Variants in TMEM63B observed in about 807,000 individuals in gnomAD.
TMEM63B encodes mechanosensitive cation channel TMEM63B.
In TMEM63B, 23 loss-of-function variants were observed where a neutral mutation model predicts 102.6. The ratio of observed to expected loss-of-function variants is 0.22; its 90% CI spans 0.16 to 0.32. The LOEUF is 0.32. Ranked by LOEUF, TMEM63B falls within the 10% of genes least tolerant of loss-of-function variation. The pLI, the probability that TMEM63B is intolerant of heterozygous loss-of-function variation, is 1.00. For synonymous variants in TMEM63B, 444 were observed against 437.0 expected, an observed-to-expected ratio of 1.02 and a Z score of -0.20; for missense variants, 628 against 1,095.9, an observed-to-expected ratio of 0.57 and a Z score of 6.03.
chr6:44,140,518 A>C (rs1256262151), intron 9 of TMEM63B, 158 bp downstream of exon 9: 1 of 701,868 alleles, frequency 1.4e-6, no homozygotes, highest in Non-Finnish European at 2.6e-6. Flanking sequence ...TAACCTCCCA[A>C]GCCATGATTT....
chr6:44,146,449 G>GT (rs1241550126), intron 10 of TMEM63B, among the ~76,000 whole-genome samples: 2 of 150,104 alleles, frequency 1.3e-5, no homozygotes, highest in East Asian at 2.1e-4. Flanking sequence ...GGAGATGTGG[G>GT]TTTTTTTGTC....
chr6:44,152,733 CG>C lies in TMEM63B; in HGVS notation c.1942+41del. 1 of 1,544,192 alleles carries C rather than the reference CG, an allele frequency of 6.5e-7. No homozygotes were observed. On this transcript the variant is annotated intron_variant, in intron 20 of 23. Coordinates refer to ENST00000323267, the MANE Select transcript of TMEM63B (RefSeq NM_018426.3). This position sits in a 1 kb window ranked among gnomAD's most constrained non-coding sequence, Gnocchi z 6.4. ...GCCGCGCCGGGACCTGGGCCCTGCT[CG>C]GGGGGACCCAGGACTTCACCCTCTC... is the stretch of plus-strand genomic sequence containing the variant.
At chr6:44,139,350 C>A in intron 6 of TMEM63B, 117 bp from the exon 7 acceptor site, 1 of 1,293,234 alleles carries the variant, frequency 7.7e-7, no homozygotes, top group Non-Finnish European at 1.1e-6. Flanking sequence ...ATACTACTGC[C>A]AGATCAGCTG....
At chr6:44,153,087 G>A (rs1166583661) in intron 20 of TMEM63B, among the ~76,000 whole-genome samples, 1 of 152,224 alleles carries the variant, frequency 6.6e-6, no homozygotes, top group Non-Finnish European at 1.5e-5. Flanking sequence ...GAAAGACTTG[G>A]ATTCCAGGGT....
In TMEM63B at chr6:44,139,764, G is replaced by A. The variant is rs771850110; in HGVS notation, c.602+5G>A. The A allele has an allele frequency of 6.2e-7, 1 of 1,614,200 alleles. No homozygotes were observed. Among genetic ancestry groups the A allele is most frequent in the Non-Finnish European group, 8.5e-7 (1 of 1,180,044 alleles). ...CATTGCCAACTTGAAATCAGGGTAA[G>A]ATGCGAAGCTGGTCGGCCAGGCCAA... On this transcript the variant is annotated splice_donor_5th_base_variant and intron_variant, in intron 8 of 23. Transcript: ENST00000323267.
intron 3 of TMEM63B, 85 bp from the exon 4 acceptor site, chr6:44,135,243 G>A (rs1324013861): frequency 4.5e-6 from 7 of 1,569,612 alleles, no homozygotes; most frequent in African/African-American, 1.4e-5. Context: ...GGGGGCATGA[G>A]GGCCCTAAGT....
At chr6:44,141,677 G>T (rs1764293934) in intron 10 of TMEM63B, among the ~76,000 whole-genome samples, 1 of 152,194 alleles carries the variant, frequency 6.6e-6, no homozygotes, top group Non-Finnish European at 1.5e-5. Context: ...TCATAGGGTG[G>T]GGAATCAGTG....
rs943864898 is a variant in TMEM63B, at chr6:44,148,110, G to A, written c.988-142G>A. ...TACACTCCAGCCTGGGCATCAGAGC[G>A]AGACGCTGTTTCCAAAAAAAAAAAA... On this transcript the variant is annotated intron_variant, in intron 12 of 23. Transcript: ENST00000323267. The surrounding 1 kb of genome is among the most constrained non-coding windows in gnomAD (Gnocchi z 5.1). The A allele has an allele frequency of 7.1e-6, 9 of 1,271,460 alleles. No homozygotes were observed. The highest frequency in any genetic ancestry group is 4.7e-5 in the East Asian group (2 of 42,394). 78.8% of individuals were successfully genotyped at this position (1,271,460 alleles called of 1,614,324 possible).
At chr6:44,143,432 A>G (rs1764695567) in intron 10 of TMEM63B, among the ~76,000 whole-genome samples, 1 of 152,194 alleles carries the variant, frequency 6.6e-6, no homozygotes, top group Non-Finnish European at 1.5e-5. Context: ...GTCAGGATTA[A>G]GGACAGTGTG....
intron 1 of TMEM63B, among the ~76,000 whole-genome samples, chr6:44,130,399 A>G (rs572811397): frequency 6.6e-6 from 1 of 151,968 alleles, no homozygotes; most frequent in South Asian, 2.1e-4. Flanking sequence ...ATTTAATACT[A>G]TTATTTTACT....
At chr6:44,142,169 G>A (rs1045877553) in intron 10 of TMEM63B, among the ~76,000 whole-genome samples, 6 of 151,142 alleles carry the variant, frequency 4.0e-5, no homozygotes, top group African/African-American at 1.2e-4. Context: ...GGTGGCTCAC[G>A]CCTGTAATCC....
At chr6:44,127,446 G>C (rs1326123901), upstream of TMEM63B, 1 of 151,678 alleles carries the variant, frequency 6.6e-6, no homozygotes, top group Non-Finnish European at 1.5e-5. Flanking sequence ...GGCCCAGCCC[G>C]GCGGACGCGA....
At chr6:44,129,139 G>A (rs74696425) in intron 1 of TMEM63B, among the ~76,000 whole-genome samples, 7,794 of 152,106 alleles carry the variant, frequency 0.051, 434 homozygotes, top group East Asian at 0.23. Context: ...AGACTGAGGC[G>A]GACAGATCAC....
In TMEM63B at chr6:44,148,278, G is replaced by A. The variant is rs994585905; in HGVS notation, c.1014G>A (p.Lys338=). The A allele has an allele frequency of 6.2e-7, 1 of 1,614,264 alleles. No homozygotes were observed. The highest frequency in any genetic ancestry group is 8.5e-7 in the Non-Finnish European group (1 of 1,180,048). The part of the protein sequence containing the change: ...EQVEAIEYYT[K]LEQKLKEDYK... ...TGGAGGCCATTGAGTACTACACAAA[G>A]CTGGAGCAGAAGCTGAAGGAAGACT... Residue 338 remains lysine (K), a synonymous_variant, in exon 13 of 24, where the codon AAG becomes AAA. Coordinates refer to ENST00000323267, the MANE Select transcript of TMEM63B (RefSeq NM_018426.3). This position sits in a 1 kb window ranked among gnomAD's most constrained non-coding sequence, Gnocchi z 5.1.
At chr6:44,136,289 C>T (rs1762930864) in intron 4 of TMEM63B, 60 bp from the exon 5 acceptor site, 7 of 1,471,082 alleles carry the variant, frequency 4.8e-6, no homozygotes, top group Non-Finnish European at 6.7e-6. Context: ...GCACTCAGCC[C>T]AGCTTCCCGG....
chr6:44,127,594 C>G lies in TMEM63B; in HGVS notation c.-109C>G, dbSNP rs1189101830. Reference sequence around the variant, plus strand: ...CGCCGCAGGAGCCCGGAGCTCGAGCCGCCCAGCGACTCCCCCTCCCCCTCC... The same window carrying G: ...CGCCGCAGGAGCCCGGAGCTCGAGCGGCCCAGCGACTCCCCCTCCCCCTCC... On this transcript the variant is annotated 5_prime_UTR_variant, in exon 1 of 24. Transcript: ENST00000323267. The G allele has an allele frequency of 9.1e-5, 13 of 142,758 alleles. No homozygotes were observed. Among genetic ancestry groups the G allele is most frequent in the Admixed American group, 6.9e-4 (10 of 14,518 alleles). The allele number at this position is 142,758 out of a possible 1,614,324, so 8.8% of individuals were successfully genotyped here. A position where few individuals can be genotyped will look rare whatever the true frequency, so the allele number is the denominator to read the frequency against.
chr6:44,147,928 G>A (rs1765760685), intron 12 of TMEM63B, among the ~76,000 whole-genome samples: 1 of 152,176 alleles, frequency 6.6e-6, no homozygotes, highest in Non-Finnish European at 1.5e-5. Context: ...TTTGAGACCA[G>A]CCTGGGAAAC....
In TMEM63B at chr6:44,138,734, CGG is replaced by C. The variant is rs1308617463; in HGVS notation, c.407+218_407+219del. 8.4e-4 allele frequency: 382 copies of C among 453,058 alleles called. 23 individuals carry two copies. Among genetic ancestry groups the C allele is most frequent in the African/African-American group, 7.4e-3 (348 of 46,792 alleles). 28.1% of individuals were successfully genotyped at this position (453,058 alleles called of 1,614,324 possible). A position where few individuals can be genotyped will look rare whatever the true frequency, so the allele number is the denominator to read the frequency against. On this transcript the variant is annotated intron_variant, in intron 6 of 23. Transcript: ENST00000323267. Reference sequence around the variant, plus strand: ...CATAATCTCCTCTGTGACCCCCTGCCGGCCCCCCCGCTTCTCTCCCTGCCCTG... The same window carrying C: ...CATAATCTCCTCTGTGACCCCCTGCCCCCCCCCGCTTCTCTCCCTGCCCTG...
chr6:44,149,780 C>T, intron 15 of TMEM63B, 79 bp from the exon 16 acceptor site: 1 of 1,158,196 alleles, frequency 8.6e-7, no homozygotes. Context: ...AAGGGCCCAG[C>T]TGGGGAGGAG....
Sources: gnomAD v4.1 joint callset for allele counts (sites outside exome capture counted in the v4.1 genomes callset) on GRCh38, gnomAD v4.1.1 for gene constraint, Gnocchi (gnomAD v3.1) non-coding constraint, MANE v1.5 for transcripts, NCBI Gene and HGNC (gene_info 2026-07-23, HGNC 2026-07-21) for gene names.